The following CDHR4 variants were observed in gnomAD, a reference collection of about 807,000 sequenced individuals.
CDHR4 encodes cadherin-related family member 4.
CDHR4 carries 89 observed loss-of-function variants against 88.4 expected under a neutral mutation model. The observed-to-expected ratio is 1.01, with a 90% CI of 0.85 to 1.20. CDHR4 has a LOEUF of 1.20. Among genes scored for constraint, CDHR4 ranks in the 50% most tolerant of loss-of-function variants. The pLI is 0.00. For synonymous variants in CDHR4, 368 were observed against 399.2 expected (o/e 0.92, Z 0.93); for missense variants, 914 against 1,007.2 (o/e 0.91, Z 1.25).
Position 49,792,976 on chromosome 3 carries a change from G to T in CDHR4, c.1873C>A (p.Leu625Ile), listed in dbSNP as rs1447881068. ...FWPEQPRTYE[L>I]LICVADAGPS... ...CCTGCATCGGCCACACAGATCAGTA[G>T]CTCATAGGTACGGGGCTGCTCTGGC... The change falls in exon 14 of 19, where the codon CTA (leucine) becomes ATA (isoleucine). Residue 625 changes from leucine (L) to isoleucine (I), a missense_variant. Leu to Ile is a conservative substitution (Grantham distance 5). Transcript: ENST00000412678. 3 of 1,551,722 alleles carry T rather than the reference G, an allele frequency of 1.9e-6. No homozygotes were observed. The highest frequency in any genetic ancestry group is 2.6e-6 in the Non-Finnish European group (3 of 1,146,996).
In CDHR4 at chr3:49,793,574, C is replaced by T. The variant is rs764833733; in HGVS notation, c.1623+9G>A. The stretch of plus-strand genomic sequence containing the variant: ...AGTATTTATTTCCAAAGCCTTAGGA[C>T]GCAATTACCTCAACCTCGATGGTAA... On this transcript the variant is annotated intron_variant, in intron 12 of 18. Coordinates refer to ENST00000412678, the MANE Select transcript of CDHR4 (RefSeq NM_001007540.4). 4.3e-5 allele frequency: 67 copies of T among 1,551,424 alleles called. No homozygotes were observed. The highest frequency in any genetic ancestry group is 1.4e-4 in the African/African-American group (10 of 73,034).
rs758571175 is a variant in CDHR4, at chr3:49,793,167, C to G, written c.1768G>C (p.Val590Leu). ...PQRLIYSYSI[V>L]GGNSQNRFIL... ...TGGTGCCCATGTCCCCTACCTCCCA[C>G]GATGCTATAGGAGTAGATCAGGCGC... The change falls in exon 13 of 19, where the codon GTG (valine) becomes CTG (leucine). Residue 590 changes from valine (V) to leucine (L), a missense_variant. Coordinates refer to ENST00000412678, the MANE Select transcript of CDHR4 (RefSeq NM_001007540.4). 3 of 1,551,464 alleles carry G rather than the reference C, an allele frequency of 1.9e-6. No homozygotes were observed. Among genetic ancestry groups the G allele is most frequent in the Non-Finnish European group, 2.6e-6 (3 of 1,146,940 alleles).
chr3:49,798,944 T>G, intron 3 of CDHR4, 27 bp from the exon 4 acceptor site: 1 of 1,611,772 alleles, frequency 6.2e-7, no homozygotes. Context: ...TCAGGGAGGA[T>G]CTGCTCAGGC....
At chr3:49,800,032 C>T (rs2108291792), upstream of CDHR4, among the ~76,000 whole-genome samples, 1 of 152,238 alleles carries the variant, frequency 6.6e-6, no homozygotes, top group African/African-American at 2.4e-5. Context: ...CCATTCATTA[C>T]AACTCTAAGG....
rs1045088612 is a variant in CDHR4 at position 49,794,667 on chromosome 3, G to A, written c.1220C>T (p.Ala407Val). Residue 407 changes from alanine to valine, a missense_variant, in exon 10 of 19, where the codon GCC becomes GTC. Coordinates refer to ENST00000412678, the MANE Select transcript of CDHR4 (RefSeq NM_001007540.4). ...GATGGAGGCTGCATGCTGGAAGCAGGCTCCAGGAGTGTCACAGTCCAGTGT... is the reference window on the plus strand; with the variant it reads ...GATGGAGGCTGCATGCTGGAAGCAGACTCCAGGAGTGTCACAGTCCAGTGT... The part of the protein sequence containing the change: ...NATLDCDTPG[A>V]CFQHAASILV... 7.1e-6 allele frequency: 11 copies of A among 1,551,316 alleles called. No homozygotes were observed. In the African/African-American group the frequency reaches 1.5e-4, roughly 21 times the overall value.
upstream of CDHR4, among the ~76,000 whole-genome samples, chr3:49,802,076 C>T (rs565860744): frequency 1.3e-5 from 2 of 152,332 alleles, no homozygotes; most frequent in Admixed American, 6.5e-5. Context: ...AGCTCCTGTC[C>T]GTCGGGGTCT....
At chr3:49,796,809 TGA>T (rs1196076652) in intron 5 of CDHR4, 111 bp downstream of exon 5, 1 of 775,110 alleles carries the variant, frequency 1.3e-6, no homozygotes, top group Non-Finnish European at 2.2e-6. Flanking sequence ...GGTCCAGGTC[TGA>T]GAGAGTCAGT....
At chr3:49,794,097 G>T in intron 10 of CDHR4, 91 bp from the exon 11 acceptor site, 1 of 1,294,690 alleles carries the variant, frequency 7.7e-7, no homozygotes. Flanking sequence ...TGCCCTGGGG[G>T]TCTAAAGAGT....
At position 49,793,936 on chromosome 3, in the gene CDHR4, G is replaced by C. The variant is rs537481775; in HGVS notation, c.1350C>G (p.Phe450Leu). Reference protein sequence around the residue: ...EFSPACAPRTFRVQEDAAPHT... With the variant: ...EFSPACAPRTLRVQEDAAPHT... ...GGGGCGCCGCATCCTCCTGAACCCG[G>C]AACGTGCGAGGGGCACAGGCTGGGG... is the stretch of plus-strand genomic sequence containing the variant. The change falls in exon 11 of 19, where the codon TTC becomes TTG. Residue 450 changes from phenylalanine (F) to leucine (L), a missense_variant. Physicochemically the swap from Phe to Leu is conservative, Grantham distance 22 (BLOSUM62 0). Coordinates refer to ENST00000412678, the MANE Select transcript of CDHR4 (RefSeq NM_001007540.4). 4.5e-6 allele frequency: 7 copies of C among 1,551,772 alleles called. No individual in the cohort carries two copies. The African/African-American group carries it at 9.6e-5, about 21-fold the overall frequency.
Position 49,791,935 on chromosome 3 carries a change from G to A in CDHR4, c.2163C>T (p.Pro721=), listed in dbSNP as rs937674645. 2 of 1,551,594 alleles carry A rather than the reference G, an allele frequency of 1.3e-6. No individual in the cohort carries two copies. The highest frequency in any genetic ancestry group is 1.4e-5 in the African/African-American group (1 of 73,068). ...LQGLAQLLQA[P]SKPAQALLLN... is the part of the protein sequence containing the mutation. ...GCAGCAAAGCCTGGGCTGGTTTGCT[G>A]GGTGCTTGCAGCAGCTGGGCCAACC... Residue 721 remains proline, a synonymous_variant, in exon 16 of 19, where the codon CCC becomes CCT. Transcript: ENST00000412678.
At position 49,790,835 on chromosome 3, in the gene CDHR4, G is replaced by A; in HGVS notation, c.2364C>T (p.Leu788=). The A allele has an allele frequency of 1.3e-6, 2 of 1,551,414 alleles. No individual in the cohort carries two copies. Among genetic ancestry groups the A allele is most frequent in the South Asian group, 2.4e-5 (2 of 84,004 alleles). ...ATAGTAAGACAGCTACTTGGCCTCAGAGCCAGCGCCGGGCTCCTGTGTGTG... is the reference window on the plus strand; with the variant it reads ...ATAGTAAGACAGCTACTTGGCCTCAAAGCCAGCGCCGGGCTCCTGTGTGTG... ...FNTHTGARRW[L] Residue 788 remains leucine, a synonymous_variant, in exon 19 of 19, where the codon CTC becomes CTT. Transcript: ENST00000412678.
chr3:49,793,368 C>T, intron 12 of CDHR4, 57 bp from the exon 13 acceptor site: 1 of 1,525,914 alleles, frequency 6.6e-7, no homozygotes, highest in East Asian at 2.5e-5. Context: ...ACCTCTGAGC[C>T]AGCCCCTCAA....
intron 5 of CDHR4, 116 bp downstream of exon 5, chr3:49,796,806 G>T: frequency 1.3e-6 from 1 of 754,140 alleles, no homozygotes; most frequent in Admixed American, 2.2e-5. Context: ...GCAGGTCCAG[G>T]TCTGAGAGAG....
At chr3:49,801,624 C>G (rs2081362681), upstream of CDHR4, among the ~76,000 whole-genome samples, 1 of 152,244 alleles carries the variant, frequency 6.6e-6, no homozygotes, top group Non-Finnish European at 1.5e-5. Context: ...CCACTCTTCT[C>G]CAGTCTTTCC....
intron 12 of CDHR4, 85 bp downstream of exon 12, chr3:49,793,498 C>T: frequency 6.6e-7 from 1 of 1,509,940 alleles, no homozygotes. Flanking sequence ...AACCAAGGCA[C>T]AGAGTGGAAA....
chr3:49,797,830 G>C (rs1045782288), intron 4 of CDHR4, among the ~76,000 whole-genome samples: 1 of 151,628 alleles, frequency 6.6e-6, no homozygotes. Flanking sequence ...CCCAGCCTGG[G>C]CTCCCTGACT....
Position 49,799,137 on chromosome 3 carries a change from G to A in CDHR4, c.260C>T (p.Ala87Val), listed in dbSNP as rs1257998582. The A allele has an allele frequency of 3.2e-6, 5 of 1,577,340 alleles. No homozygotes were observed. Among genetic ancestry groups the A allele is most frequent in the Non-Finnish European group, 4.3e-6 (5 of 1,161,328 alleles). ...YVGKLTLSSS[A>V]QLDALMVNHY... ...GTTCACCATCAGGGCATCCAACTGA[G>A]CAGAGCTGCTCAAGGTCAACTGGGG... The change falls in exon 3 of 19, where the codon GCT (alanine) becomes GTT (valine). Residue 87 changes from alanine to valine, a missense_variant. Physicochemically the swap from Ala to Val is moderately conservative, Grantham distance 64. Transcript: ENST00000412678.
chr3:49,800,871 C>T (rs1352575255), upstream of CDHR4, among the ~76,000 whole-genome samples: 1 of 147,764 alleles, frequency 6.8e-6, no homozygotes, highest in Non-Finnish European at 1.5e-5. Flanking sequence ...CATGGTGAAA[C>T]CCTGTCTCTA....
chr3:49,800,615 A>T (rs1387256827), upstream of CDHR4, among the ~76,000 whole-genome samples: 1 of 152,168 alleles, frequency 6.6e-6, no homozygotes, highest in African/African-American at 2.4e-5. Flanking sequence ...CGTTGGGAAT[A>T]TCAGTTGGAT....
Sources: gnomAD v4.1 joint callset for allele counts (sites outside exome capture counted in the v4.1 genomes callset) on GRCh38, gnomAD v4.1.1 for gene constraint, MANE v1.5 for transcripts, NCBI Gene and HGNC (gene_info 2026-07-23, HGNC 2026-07-21) for gene names.